Variants in UBE2O observed in about 807,000 individuals in gnomAD.
The protein encoded by UBE2O is ubiquitin conjugating enzyme E2 O, also known as (E3-independent) E2 ubiquitin-conjugating enzyme.
In UBE2O, 15 loss-of-function variants were observed where a neutral mutation model predicts 125.8. The observed-to-expected ratio is 0.12, with a 90% CI of 0.08 to 0.18. The LOEUF (loss-of-function observed/expected upper bound fraction) is 0.18, where lower values mean the gene tolerates loss of function less well. Among genes scored for constraint, UBE2O ranks in the 10% least tolerant of loss-of-function variants. The probability of loss-of-function intolerance (pLI) is 1.00; values close to 1 mark genes in which losing one functional copy is unlikely to be tolerated. For missense variants in UBE2O, 1,280 were observed against 1,723.6 expected (o/e 0.74, Z 4.56); for synonymous variants, 708 against 703.2 (o/e 1.01, Z -0.11).
rs760961057 is a variant in UBE2O at position 76,405,527 on chromosome 17, G to A, written c.463C>T (p.His155Tyr). 1.3e-6 allele frequency: 2 copies of A among 1,598,882 alleles called. No homozygotes were observed. The highest frequency in any genetic ancestry group is 1.7e-6 in the Non-Finnish European group (2 of 1,174,642). ...GCAGGACTCACGGTGGATCGCATGT[G>A]CCGGACCACATCTCGGGGCACCACA... is the stretch of plus-strand genomic sequence containing the variant. ...RSVVPRDVVRHMRSTDSQCGT... is the reference protein window; with the variant it reads ...RSVVPRDVVRYMRSTDSQCGT... Residue 155 changes from histidine (H) to tyrosine (Y), a missense_variant, in exon 2 of 18, where the codon CAC (histidine) becomes TAC (tyrosine). By Grantham distance (83) the His-to-Tyr change is moderately conservative. This residue lies in a region of UBE2O where 206 missense variants were observed against 315.7 expected (regional missense o/e 0.65). Coordinates refer to ENST00000319380, the MANE Select transcript of UBE2O (RefSeq NM_022066.4). This position sits in a 1 kb window ranked among gnomAD's most constrained non-coding sequence, Gnocchi z 6.1.
chr17:76,405,353 A>C lies in UBE2O; in HGVS notation c.478-37T>G. The C allele has an allele frequency of 6.4e-7, 1 of 1,573,810 alleles. No homozygotes were observed. Among genetic ancestry groups the C allele is most frequent in the Non-Finnish European group, 8.7e-7 (1 of 1,148,662 alleles). On this transcript the variant is annotated intron_variant, in intron 2 of 17. Transcript: ENST00000319380. The surrounding 1 kb of genome is among the most constrained non-coding windows in gnomAD (Gnocchi z 6.1). ...AGGAGACATGCAAGTCCCGTGGTGC[A>C]GCAGCCCTGGTCACCAGGGGAGACC...
chr17:76,393,082 G>A (rs1325734145), intron 15 of UBE2O, among the ~76,000 whole-genome samples: 1 of 151,610 alleles, frequency 6.6e-6, no homozygotes, highest in Non-Finnish European at 1.5e-5. Flanking sequence ...AACATAGTGG[G>A]ACCCTATCTC....
At chr17:76,416,848 A>C (rs1003856933) in intron 1 of UBE2O, among the ~76,000 whole-genome samples, 3 of 152,188 alleles carry the variant, frequency 2.0e-5, no homozygotes, top group Non-Finnish European at 4.4e-5. Flanking sequence ...ACAGGACTCA[A>C]ATACTAACTA....
rs1254180261 is a variant in UBE2O, at chr17:76,405,106, G to C, written c.588+100C>G. The C allele has an allele frequency of 1.1e-6, 1 of 877,192 alleles. No homozygotes were observed. The highest frequency in any genetic ancestry group is 1.8e-6 in the Non-Finnish European group (1 of 568,638). 54.3% of individuals were successfully genotyped at this position (877,192 alleles called of 1,614,324 possible). On this transcript the variant is annotated intron_variant, in intron 3 of 17. Coordinates refer to ENST00000319380, the MANE Select transcript of UBE2O (RefSeq NM_022066.4). The surrounding 1 kb of genome is among the most constrained non-coding windows in gnomAD (Gnocchi z 6.1). ...CTCCGCCTTCTGACCCAGGAAGGCTGTGCTTGGCAAGAGCACGGAGGAGGC... is the reference window on the plus strand; with the variant it reads ...CTCCGCCTTCTGACCCAGGAAGGCTCTGCTTGGCAAGAGCACGGAGGAGGC...
Position 76,404,242 on chromosome 17 carries a change from G to A in UBE2O, c.588+964C>T, listed in dbSNP as rs1017068742. 1.3e-5 allele frequency among the ~76,000 whole-genome samples: 2 copies of A among 152,164 alleles called. No homozygotes were observed. Among genetic ancestry groups the A allele is most frequent in the African/African-American group, 4.8e-5 (2 of 41,444 alleles). ...CCACAAAATACAATCACTTAAAGGG[G>A]GTAAATGGTGAGTTTATGGTGGAGA... On this transcript the variant is annotated intron_variant, in intron 3 of 17. Transcript: ENST00000319380. The surrounding 1 kb of genome is among the most constrained non-coding windows in gnomAD (Gnocchi z 4.3).
intron 13 of UBE2O, among the ~76,000 whole-genome samples, chr17:76,397,306 G>A (rs1029618919): frequency 3.9e-5 from 6 of 152,228 alleles, no homozygotes; most frequent in Non-Finnish European, 5.9e-5. Context: ...CCCCACTCCT[G>A]CCCCCTGTGT....
At chr17:76,440,206 G>A (rs1419157807) in intron 1 of UBE2O, among the ~76,000 whole-genome samples, 1 of 152,184 alleles carries the variant, frequency 6.6e-6, no homozygotes, top group African/African-American at 2.4e-5. Flanking sequence ...CAATCCAGTA[G>A]CCACTATGGT....
At chr17:76,421,487 T>G (rs577577644) in intron 1 of UBE2O, among the ~76,000 whole-genome samples, 7 of 152,332 alleles carry the variant, frequency 4.6e-5, no homozygotes, top group African/African-American at 1.4e-4. Flanking sequence ...TGCCTCAGCC[T>G]CACAAGTAGC....
rs754232552 is a variant in UBE2O at position 76,391,732 on chromosome 17, A to AC, written c.3208+23dup. On this transcript the variant is annotated intron_variant, in intron 17 of 17. Transcript: ENST00000319380. The surrounding 1 kb of genome is among the most constrained non-coding windows in gnomAD (Gnocchi z 8.4). ...CCTCCACCGGCCCTCCCTTGTCCGC[A>AC]CCCCCGCTTCAGCCCAACTGTACCT... The AC allele has an allele frequency of 6.2e-6, 10 of 1,613,060 alleles. No homozygotes were observed. The East Asian group carries it at 2.2e-4, about 36-fold the overall frequency.
rs775208852 is a variant in UBE2O at position 76,399,597 on chromosome 17, C to T, written c.1480G>A (p.Val494Met). Residue 494 changes from valine (V) to methionine (M), a missense_variant, in exon 9 of 18, where the codon GTG becomes ATG. Transcript: ENST00000319380. This position sits in a 1 kb window ranked among gnomAD's most constrained non-coding sequence, Gnocchi z 6.9. ...GTGGTGGAGCTGGCAGAGGAGGTCA[C>T]CGAACTGGTGTCGTCCGTGTCATCA... ...AADDTDDTSS[V>M]TSSASSTTSS... 3.7e-6 allele frequency: 6 copies of T among 1,614,208 alleles called. No individual in the cohort carries two copies. Among genetic ancestry groups the T allele is most frequent in the Non-Finnish European group, 5.1e-6 (6 of 1,180,040 alleles).
At chr17:76,417,545 C>A (rs2072635856) in intron 1 of UBE2O, among the ~76,000 whole-genome samples, 2 of 152,116 alleles carry the variant, frequency 1.3e-5, no homozygotes, top group Non-Finnish European at 2.9e-5. Flanking sequence ...AATTCTCTAC[C>A]CCCTCCTTTT....
In UBE2O at chr17:76,390,618, T is replaced by C. The variant is rs1598575224; in HGVS notation, c.*325A>G. On this transcript the variant is annotated 3_prime_UTR_variant, in exon 18 of 18. Transcript: ENST00000319380. ...GCCCAGAGAGCCCCGCGGCAGGCCC[T>C]GGAACACCCGCCTCTGACCTGAGAA... 1 of 262,182 alleles carries C rather than the reference T, an allele frequency of 3.8e-6. No homozygotes were observed. Among genetic ancestry groups the C allele is most frequent in the Non-Finnish European group, 7.3e-6 (1 of 137,072 alleles). The allele number at this position is 262,182 out of a possible 1,614,324, so 16.2% of individuals were successfully genotyped here.
At chr17:76,432,091 C>T (rs2072916115) in intron 1 of UBE2O, among the ~76,000 whole-genome samples, 1 of 152,160 alleles carries the variant, frequency 6.6e-6, no homozygotes, top group Non-Finnish European at 1.5e-5. Flanking sequence ...ACATAAATAG[C>T]AGCACATGTG....
chr17:76,391,412 C>T lies in UBE2O; in HGVS notation c.3410G>A (p.Arg1137Gln), dbSNP rs367836180. 174 of 1,613,474 alleles carry T rather than the reference C, an allele frequency of 1.1e-4. No individual in the cohort carries two copies. Among genetic ancestry groups the T allele is most frequent in the Non-Finnish European group, 1.4e-4 (168 of 1,180,040 alleles). Residue 1137 changes from arginine (R) to glutamine (Q), a missense_variant, in exon 18 of 18, where the codon CGG becomes CAG. Around this residue, in one of 10 missense-constraint regions of UBE2O, gnomAD observed 233 missense variants for 279.0 expected, o/e 0.84. Coordinates refer to ENST00000319380, the MANE Select transcript of UBE2O (RefSeq NM_022066.4). This position sits in a 1 kb window ranked among gnomAD's most constrained non-coding sequence, Gnocchi z 8.4. ...CCAGGACTCGATACGGTTCACCAGC[C>T]GCCAGCCACCAGTGCTAAAGTGTTG... ...IRQHFSTGGW[R>Q]LVNRIESWLE...
At chr17:76,429,541 C>CAAAA (rs61081315) in intron 1 of UBE2O, among the ~76,000 whole-genome samples, 5 of 71,784 alleles carry the variant, frequency 7.0e-5, no homozygotes, top group South Asian at 1.2e-3. Flanking sequence ...GACTCTGTCT[C>CAAAA]AAAAAAAAAA....
At chr17:76,419,135 T>A (rs916045435) in intron 1 of UBE2O, among the ~76,000 whole-genome samples, 1 of 149,612 alleles carries the variant, frequency 6.7e-6, no homozygotes, top group Non-Finnish European at 1.5e-5. Context: ...TTTTTTTTTT[T>A]AAATTAGGCC....
Position 76,396,260 on chromosome 17 carries a change from C to T in UBE2O, c.2677G>A (p.Glu893Lys), listed in dbSNP as rs199615423. The change falls in exon 14 of 18, where the codon GAG becomes AAG. Residue 893 changes from glutamate to lysine, a missense_variant. By Grantham distance (56) the Glu-to-Lys change is moderately conservative. Coordinates refer to ENST00000319380, the MANE Select transcript of UBE2O (RefSeq NM_022066.4). The surrounding 1 kb of genome is among the most constrained non-coding windows in gnomAD (Gnocchi z 6.7). ...PDVERKEDKP[E>K]GQSPVKAEWP... ...TCAGCCTTCACAGGTGACTGCCCCTCGGGCTTGTCCTCCTTGCGCTCTACG... is the reference window on the plus strand; with the variant it reads ...TCAGCCTTCACAGGTGACTGCCCCTTGGGCTTGTCCTCCTTGCGCTCTACG... The T allele has an allele frequency of 3.3e-5, 53 of 1,614,114 alleles. No homozygotes were observed. The highest frequency in any genetic ancestry group is 1.3e-5 in the African/African-American group (1 of 74,944).
rs1598630909 is a variant in UBE2O, at chr17:76,452,201, T to C, written c.417+524A>G. The stretch of plus-strand genomic sequence containing the variant: ...GCAGCAGGGTAAAACAAAAAGAGGC[T>C]GGGTGGCTTCACCATAATGCAGCCT... On this transcript the variant is annotated intron_variant, in intron 1 of 17. Transcript: ENST00000319380. This position sits in a 1 kb window ranked among gnomAD's most constrained non-coding sequence, Gnocchi z 4.4. Among the ~76,000 whole-genome samples the C allele has an allele frequency of 6.6e-6, 1 of 152,324 alleles. No individual in the cohort carries two copies. The highest frequency in any genetic ancestry group is 2.4e-5 in the African/African-American group (1 of 41,568).
intron 1 of UBE2O, among the ~76,000 whole-genome samples, chr17:76,450,726 A>AT (rs2073226621): frequency 6.6e-6 from 1 of 151,988 alleles, no homozygotes; most frequent in African/African-American, 2.4e-5. Flanking sequence ...GGTTCAAGCA[A>AT]TTCTCCCGCC....
Sources: gnomAD v4.1 joint callset for allele counts (sites outside exome capture counted in the v4.1 genomes callset) on GRCh38, gnomAD v4.1.1 for gene constraint, gnomAD v4.1.1 regional missense constraint, Gnocchi (gnomAD v3.1) non-coding constraint, MANE v1.5 for transcripts, NCBI Gene and HGNC (gene_info 2026-07-23, HGNC 2026-07-21) for gene names.